Variants in WSCD2 observed in about 807,000 individuals in gnomAD.
The protein encoded by WSCD2 is WSC domain sialate O sulfotransferase 2.
WSCD2 carries 28 observed loss-of-function variants against 55.7 expected under a neutral mutation model. The observed-to-expected ratio is 0.50, with a 90% CI of 0.37 to 0.69. WSCD2 has a LOEUF of 0.69. WSCD2 is among the 30% of genes least tolerant of loss of function. The pLI is 0.00. For synonymous variants in WSCD2, 301 were observed against 301.9 expected, an observed-to-expected ratio of 1.00 and a Z score of 0.03; for missense variants, 616 against 762.1, an observed-to-expected ratio of 0.81 and a Z score of 2.26.
In WSCD2 at chr12:108,144,822, G is replaced by A. The variant is rs533891367; in HGVS notation, c.-552+14896G>A. On this transcript the variant is annotated intron_variant, in intron 1 of 8. Coordinates refer to ENST00000547525, the MANE Select transcript of WSCD2 (RefSeq NM_014653.4). ...CTTTACTCCCCCAGCAGCCCTGAGT[G>A]GTGGCTTTCCCATCACTGTCCTCTT... Among the ~76,000 whole-genome samples, 15 of 152,222 alleles carry A rather than the reference G, an allele frequency of 9.9e-5. No individual in the cohort carries two copies. The East Asian group carries it at 2.1e-3, about 22-fold the overall frequency.
chr12:108,172,245 C>T (rs1880321052), intron 1 of WSCD2, among the ~76,000 whole-genome samples: 1 of 152,136 alleles, frequency 6.6e-6, no homozygotes, highest in South Asian at 2.1e-4. Context: ...TAGGTCCTGC[C>T]AGGGTCTGTG....
chr12:108,209,559 G>A (rs1002879894), intron 3 of WSCD2, among the ~76,000 whole-genome samples: 1 of 152,054 alleles, frequency 6.6e-6, no homozygotes, highest in Non-Finnish European at 1.5e-5. Context: ...ATGTGAGTAG[G>A]TGTAGAAGGG....
intron 7 of WSCD2, among the ~76,000 whole-genome samples, chr12:108,235,265 T>C (rs1248441971): frequency 1.3e-5 from 2 of 152,180 alleles, no homozygotes; most frequent in African/African-American, 2.4e-5. Flanking sequence ...TGGTGTAAAA[T>C]AGACATTTTT....
chr12:108,233,828 C>T (rs1440762719), intron 7 of WSCD2, among the ~76,000 whole-genome samples: 3 of 152,232 alleles, frequency 2.0e-5, no homozygotes, highest in Non-Finnish European at 4.4e-5. Flanking sequence ...TGGTGGGAGA[C>T]ATCAGGGAAG....
At chr12:108,200,415 C>T (rs1884512766) in intron 2 of WSCD2, among the ~76,000 whole-genome samples, 1 of 152,228 alleles carries the variant, frequency 6.6e-6, no homozygotes, top group Non-Finnish European at 1.5e-5. Flanking sequence ...AGCCCTTATT[C>T]TTAACCACTG....
In WSCD2 at chr12:108,250,489, G is replaced by A. The variant is rs535757966; in HGVS notation, c.*2146G>A. 2 of 152,358 alleles carry A rather than the reference G, an allele frequency of 1.3e-5. No individual in the cohort carries two copies. The highest frequency in any genetic ancestry group is 6.5e-5 in the Admixed American group (1 of 15,302). The allele number at this position is 152,358 out of a possible 1,614,324, so 9.4% of individuals were successfully genotyped here. On this transcript the variant is annotated 3_prime_UTR_variant, in exon 9 of 9. Coordinates refer to ENST00000547525, the MANE Select transcript of WSCD2 (RefSeq NM_014653.4). ...GTAATGAGTCTGTGCAGGTCCTTGT[G>A]TATGGAATTGCACCCGTGTAAAGGA... is the stretch of plus-strand genomic sequence containing the variant.
intron 1 of WSCD2, among the ~76,000 whole-genome samples, chr12:108,156,015 G>T (rs1878471817): frequency 6.6e-6 from 1 of 152,192 alleles, no homozygotes. Flanking sequence ...ATCTGCTGAA[G>T]TTCAAATATT....
At chr12:108,176,449 T>C (rs940132378) in intron 1 of WSCD2, among the ~76,000 whole-genome samples, 2 of 152,240 alleles carry the variant, frequency 1.3e-5, no homozygotes, top group African/African-American at 4.8e-5. Flanking sequence ...CTCGGCATAA[T>C]GCATGATGCC....
At chr12:108,149,484 C>CA in intron 1 of WSCD2, among the ~76,000 whole-genome samples, 1 of 152,308 alleles carries the variant, frequency 6.6e-6, no homozygotes, top group African/African-American at 2.4e-5. Context: ...CCAACATCGG[C>CA]CCCCACCAGC....
At chr12:108,142,478 G>A (rs1592874546) in intron 1 of WSCD2, among the ~76,000 whole-genome samples, 2 of 152,230 alleles carry the variant, frequency 1.3e-5, no homozygotes, top group East Asian at 1.9e-4. Context: ...GGCAGATCTC[G>A]CTCAAGTACA....
intron 2 of WSCD2, among the ~76,000 whole-genome samples, chr12:108,202,836 G>A (rs2137073049): frequency 6.6e-6 from 1 of 152,314 alleles, no homozygotes; most frequent in South Asian, 2.1e-4. Flanking sequence ...ACCTGCACAT[G>A]TACCCTGCAC....
rs1343591110 is a variant in WSCD2, at chr12:108,227,000, T to C, written c.815T>C (p.Leu272Pro). ...CCACTCCATCCCCAGGAGTACCCGC[T>C]GGCAGCTCTTGCAGGCACCGCCTGC... The part of the protein sequence containing the change: ...VDFCTEKEYP[L>P]AALAGTACHC... Residue 272 changes from leucine (L) to proline (P), a missense_variant, in exon 6 of 9, where the codon CTG becomes CCG. This residue lies in a region of WSCD2 where 374 missense variants were observed against 467.4 expected (regional missense o/e 0.80). Transcript: ENST00000547525. The C allele has an allele frequency of 3.1e-6, 5 of 1,613,628 alleles. No individual in the cohort carries two copies. Among genetic ancestry groups the C allele is most frequent in the Non-Finnish European group, 2.5e-6 (3 of 1,179,820 alleles).
intron 1 of WSCD2, among the ~76,000 whole-genome samples, chr12:108,192,542 G>A (rs772448261): frequency 6.6e-5 from 10 of 152,194 alleles, no homozygotes; most frequent in Non-Finnish European, 1.3e-4. Flanking sequence ...AACCTCAGTG[G>A]ATTCTCATGT....
intron 4 of WSCD2, among the ~76,000 whole-genome samples, chr12:108,215,842 C>G (rs1329499617): frequency 6.6e-6 from 1 of 152,198 alleles, no homozygotes; most frequent in Non-Finnish European, 1.5e-5. Flanking sequence ...TTCAGAGACA[C>G]TTGCAGCTGG....
At chr12:108,166,783 T>TTCTTTCTTTCTTTCTTTCTG (rs1879693332) in intron 1 of WSCD2, among the ~76,000 whole-genome samples, 1 of 149,522 alleles carries the variant, frequency 6.7e-6, no homozygotes, top group African/African-American at 2.5e-5. Flanking sequence ...CTTTCTTTCT[T>TTCTTTCTTTCTTTCTTTCTG]TCTTTCTGTC....
At chr12:108,182,162 A>G (rs907840059) in intron 1 of WSCD2, among the ~76,000 whole-genome samples, 1 of 152,252 alleles carries the variant, frequency 6.6e-6, no homozygotes, top group African/African-American at 2.4e-5. Flanking sequence ...TCCAAGAGGT[A>G]ACATCTTTCT....
chr12:108,228,624 GC>G (rs1267213675), intron 6 of WSCD2, among the ~76,000 whole-genome samples: 16 of 152,352 alleles, frequency 1.1e-4, no homozygotes, highest in African/African-American at 3.8e-4. Flanking sequence ...AAAAAGTGGT[GC>G]CTAAAAGCCA....
intron 1 of WSCD2, among the ~76,000 whole-genome samples, chr12:108,188,181 A>G (rs1882745387): frequency 6.6e-6 from 1 of 152,014 alleles, no homozygotes; most frequent in South Asian, 2.1e-4. Flanking sequence ...GCAGGCTGTG[A>G]GCGTAGGGTA....
intron 1 of WSCD2, among the ~76,000 whole-genome samples, chr12:108,181,533 AG>A (rs1338831906): frequency 6.6e-6 from 1 of 152,158 alleles, no homozygotes; most frequent in Admixed American, 6.5e-5. Flanking sequence ...GGACCCTGAG[AG>A]GTGGCATGAT....
Sources: allele counts gnomAD v4.1 joint callset (sites outside exome capture counted in the v4.1 genomes callset), GRCh38; gene constraint gnomAD v4.1.1; regional missense constraint gnomAD v4.1.1; transcripts MANE v1.5; gene names NCBI Gene and HGNC (gene_info 2026-07-23, HGNC 2026-07-21).